Variants in GRM7 observed in about 807,000 individuals in gnomAD.
The protein encoded by GRM7 is metabotropic glutamate receptor 7.
A neutral mutation model predicts 84.5 loss-of-function variants in GRM7; 35 were observed. That is an observed-to-expected ratio of 0.41 (90% confidence interval 0.32 to 0.55). The LOEUF (loss-of-function observed/expected upper bound fraction) is 0.55. Ranked by LOEUF, GRM7 falls within the 20% of genes least tolerant of loss-of-function variation. GRM7 has a pLI of 0.19. For missense variants in GRM7, 1,003 were observed against 1,194.6 expected, an observed-to-expected ratio of 0.84 and a Z score of 2.36; for synonymous variants, 487 against 455.1, an observed-to-expected ratio of 1.07 and a Z score of -0.89.
chr3:7,639,544 T>A (rs1271544657), intron 8 of GRM7, among the ~76,000 whole-genome samples: 1 of 152,184 alleles, frequency 6.6e-6, no homozygotes, highest in Admixed American at 6.5e-5. Flanking sequence ...TAAGTGTTAT[T>A]CACTCTTCAA....
intron 8 of GRM7, among the ~76,000 whole-genome samples, chr3:7,664,053 T>A (rs1475657059): frequency 6.6e-6 from 1 of 152,228 alleles, no homozygotes; most frequent in Non-Finnish European, 1.5e-5. Flanking sequence ...AGAAACAGAA[T>A]GGATAGTTCA....
intron 1 of GRM7, among the ~76,000 whole-genome samples, chr3:7,015,458 G>C (rs2124902315): frequency 6.6e-6 from 1 of 152,312 alleles, no homozygotes; most frequent in East Asian, 1.9e-4. Context: ...CAATCTTTTG[G>C]AGTACACAGA....
intron 9 of GRM7, among the ~76,000 whole-genome samples, chr3:7,734,544 A>G (rs1333926658): frequency 6.6e-6 from 1 of 152,170 alleles, no homozygotes; most frequent in Admixed American, 6.5e-5. Flanking sequence ...AGAAATCCAG[A>G]TTTGGGAGTT....
chr3:7,285,738 G>A (rs1467437821), intron 2 of GRM7, among the ~76,000 whole-genome samples: 1 of 152,038 alleles, frequency 6.6e-6, no homozygotes, highest in Non-Finnish European at 1.5e-5. Context: ...TTGTCTATTG[G>A]TAAGTAACCT....
intron 2 of GRM7, among the ~76,000 whole-genome samples, chr3:7,186,012 G>T (rs1047264014): frequency 2.0e-5 from 3 of 152,128 alleles, no homozygotes; most frequent in Non-Finnish European, 4.4e-5. Context: ...TGCATGTCAA[G>T]ATCTACAATT....
chr3:7,304,819 T>C lies in GRM7; in HGVS notation c.879-1679T>C, dbSNP rs185128434. On this transcript the variant is annotated intron_variant, in intron 3 of 9. Coordinates refer to ENST00000357716, the MANE Select transcript of GRM7 (RefSeq NM_000844.4). ...AATGTGTTTATTATTTTGTTTTTTTTCCCATATATTATCTCTGCTCCACCT... is the reference window on the plus strand; with the variant it reads ...AATGTGTTTATTATTTTGTTTTTTTCCCCATATATTATCTCTGCTCCACCT... 3.0e-3 allele frequency among the ~76,000 whole-genome samples: 462 copies of C among 152,328 alleles called. 3 individuals carry two copies. The highest frequency in any genetic ancestry group is 1.0e-2 in the African/African-American group (415 of 41,578).
chr3:7,422,669 T>G (rs1271114913), intron 5 of GRM7, among the ~76,000 whole-genome samples: 1 of 152,200 alleles, frequency 6.6e-6, no homozygotes, highest in Non-Finnish European at 1.5e-5. Context: ...TTCAGTATTT[T>G]TGAAGCACAG....
At chr3:7,474,363 ATTC>A (rs1330579702) in intron 7 of GRM7, among the ~76,000 whole-genome samples, 3 of 151,474 alleles carry the variant, frequency 2.0e-5, no homozygotes, top group Non-Finnish European at 2.9e-5. Flanking sequence ...AGACCCTACT[ATTC>A]TTAGGCATGC....
intron 1 of GRM7, among the ~76,000 whole-genome samples, chr3:7,062,673 A>G (rs976740114): frequency 6.6e-6 from 1 of 151,760 alleles, no homozygotes; most frequent in Non-Finnish European, 1.5e-5. Flanking sequence ...CTTTTAGCAT[A>G]TTTGTCTAAC....
intron 7 of GRM7, among the ~76,000 whole-genome samples, chr3:7,564,613 C>A (rs1006215311): frequency 7.9e-5 from 12 of 152,074 alleles, no homozygotes; most frequent in Admixed American, 7.2e-4. Context: ...TCTTAAAGTT[C>A]TTTGCATGAA....
At chr3:7,067,278 C>G (rs1296378892) in intron 1 of GRM7, among the ~76,000 whole-genome samples, 1 of 151,878 alleles carries the variant, frequency 6.6e-6, no homozygotes, top group Non-Finnish European at 1.5e-5. Context: ...ACCCTACGGA[C>G]TCCTCCAGAA....
At chr3:7,362,015 A>G (rs1693685320) in intron 4 of GRM7, among the ~76,000 whole-genome samples, 1 of 152,126 alleles carries the variant, frequency 6.6e-6, no homozygotes, top group South Asian at 2.1e-4. Context: ...CACATCTTGG[A>G]CTAATGTTTA....
At chr3:6,938,899 T>A (rs903080934) in intron 1 of GRM7, among the ~76,000 whole-genome samples, 1 of 152,220 alleles carries the variant, frequency 6.6e-6, no homozygotes, top group Admixed American at 6.5e-5. Context: ...TGATATTCCT[T>A]CTTATTATAA....
chr3:7,005,594 G>GT, intron 1 of GRM7, among the ~76,000 whole-genome samples: 1 of 152,276 alleles, frequency 6.6e-6, no homozygotes, highest in Non-Finnish European at 1.5e-5. Flanking sequence ...TTCTAACTTG[G>GT]CTCATCATGA....
intron 1 of GRM7, among the ~76,000 whole-genome samples, chr3:7,133,730 C>T (rs1259193931): frequency 6.6e-6 from 1 of 152,212 alleles, no homozygotes; most frequent in East Asian, 1.9e-4. Flanking sequence ...GTTTTTGTCT[C>T]CTAATATATG....
chr3:7,636,488 A>G (rs1483374540), intron 8 of GRM7: 1 of 312,800 alleles, frequency 3.2e-6, no homozygotes, highest in East Asian at 7.7e-5. Flanking sequence ...GAAAAATTCC[A>G]AGGGTCAGGT....
At chr3:7,132,442 A>G (rs916682008) in intron 1 of GRM7, among the ~76,000 whole-genome samples, 1 of 152,186 alleles carries the variant, frequency 6.6e-6, no homozygotes, top group African/African-American at 2.4e-5. Flanking sequence ...TTTAAAAAGA[A>G]AAAAAGTCAT....
intron 1 of GRM7, among the ~76,000 whole-genome samples, chr3:7,136,111 T>G (rs1693761870): frequency 1.3e-5 from 2 of 152,114 alleles, no homozygotes. Flanking sequence ...GCGTCATACA[T>G]GCATAATATT....
At chr3:7,531,185 C>A (rs1701022443) in intron 7 of GRM7, among the ~76,000 whole-genome samples, 1 of 152,110 alleles carries the variant, frequency 6.6e-6, no homozygotes, top group South Asian at 2.1e-4. Context: ...TTCCCAACAC[C>A]ATTTATTAAA....
Sources: gnomAD v4.1 joint callset for allele counts (sites outside exome capture counted in the v4.1 genomes callset) on GRCh38, gnomAD v4.1.1 for gene constraint, MANE v1.5 for transcripts, NCBI Gene and HGNC (gene_info 2026-07-23, HGNC 2026-07-21) for gene names.